Variants in RGSL1 observed in about 807,000 individuals in gnomAD.
The protein encoded by RGSL1 is regulator of G protein signaling protein-like.
RGSL1 carries 97 observed loss-of-function variants against 124.7 expected under a neutral mutation model. That is an observed-to-expected ratio of 0.78 (90% CI 0.66 to 0.92). The LOEUF is 0.92. Among genes scored for constraint, RGSL1 ranks in the 40% least tolerant of loss-of-function variants. The pLI is 0.00. For missense variants in RGSL1, 1,233 were observed against 1,288.4 expected (o/e 0.96, Z 0.66); for synonymous variants, 424 against 438.1 (o/e 0.97, Z 0.40).
intron 3 of RGSL1, 126 bp downstream of exon 3, chr1:182,458,519 C>T: frequency 2.5e-6 from 2 of 789,302 alleles, no homozygotes; most frequent in Non-Finnish European, 4.1e-6. Context: ...ACCCAGGCTG[C>T]AGTGCGGTGA....
intron 10 of RGSL1, 43 bp from the exon 11 acceptor site, chr1:182,527,536 A>G (rs749851143): frequency 2.0e-6 from 3 of 1,479,296 alleles, no homozygotes; most frequent in Middle Eastern, 3.5e-4. Flanking sequence ...ATCCAGAATC[A>G]TCATTCCTTT....
rs1660540925 is a variant in RGSL1 at position 182,551,198 on chromosome 1, TC to T, written c.3033del (p.Ser1012ArgfsTer9). ...CCTAAATCTACGGACAAGTATCCTTTCTCGAGTGGAGGTAAGCTCCACCACG... is the reference window on the plus strand; with the variant it reads ...CCTAAATCTACGGACAAGTATCCTTTTCGAGTGGAGGTAAGCTCCACCACG... Reference protein sequence around the residue: ...SPPKSTDKYPFSSGGDNAILR... With the variant: ...SPPKSTDKYPXSSGGDNAILR... On this transcript the variant is annotated frameshift_variant, in exon 18 of 22. Coordinates refer to ENST00000294854, the MANE Select transcript of RGSL1 (RefSeq NM_001137669.2). LOFTEE classifies it high-confidence loss of function. The T allele has an allele frequency of 6.4e-7, 1 of 1,550,486 alleles. No individual in the cohort carries two copies. The highest frequency in any genetic ancestry group is 8.7e-7 in the Non-Finnish European group (1 of 1,146,188).
Position 182,548,780 on chromosome 1 carries a change from G to A in RGSL1, c.2889G>A (p.Gly963=). 1 of 1,551,598 alleles carries A rather than the reference G, an allele frequency of 6.4e-7. No homozygotes were observed. Among genetic ancestry groups the A allele is most frequent in the Non-Finnish European group, 8.7e-7 (1 of 1,146,970 alleles). ...EGYLDRSVFH[G]AIMSVFPVVM... is the part of the protein sequence containing the mutation. ...ACCTAGATCGGAGCGTCTTCCATGG[G>A]GCTATCATGTCTGTCTTCCCCGTTG... The change falls in exon 17 of 22, where the codon GGG becomes GGA. Residue 963 remains glycine, a synonymous_variant. Coordinates refer to ENST00000294854, the MANE Select transcript of RGSL1 (RefSeq NM_001137669.2).
At chr1:182,478,951 A>C (rs1654492868) in intron 6 of RGSL1, among the ~76,000 whole-genome samples, 1 of 152,198 alleles carries the variant, frequency 6.6e-6, no homozygotes, top group South Asian at 2.1e-4. Context: ...ATGCTGAAGG[A>C]AAGAAAAGGA....
intron 9 of RGSL1, among the ~76,000 whole-genome samples, chr1:182,509,845 G>A (rs1469844190): frequency 7.2e-6 from 1 of 139,010 alleles, no homozygotes; most frequent in Non-Finnish European, 1.6e-5. Flanking sequence ...TCCCGGACGG[G>A]GTGGCTGCCG....
At position 182,553,490 on chromosome 1, in the gene RGSL1, G is replaced by A. The variant is rs369711537; in HGVS notation, c.3079G>A (p.Gly1027Ser). 8 of 1,551,856 alleles carry A rather than the reference G, an allele frequency of 5.2e-6. No homozygotes were observed. Among genetic ancestry groups the A allele is most frequent in the African/African-American group, 4.1e-5 (3 of 73,028 alleles). The change falls in exon 19 of 22, where the codon GGT (glycine) becomes AGT (serine). Residue 1027 changes from glycine to serine, a missense_variant. Gly to Ser is a moderately conservative substitution (Grantham distance 56, BLOSUM62 0). Coordinates refer to ENST00000294854, the MANE Select transcript of RGSL1 (RefSeq NM_001137669.2). ...CATCTTAAGGTTCACCTTGCTCAGAGGTATTGAGTGGTTGCAGCCTCAACG... is the reference window on the plus strand; with the variant it reads ...CATCTTAAGGTTCACCTTGCTCAGAAGTATTGAGTGGTTGCAGCCTCAACG... ...NAILRFTLLRGIEWLQPQREA... is the reference protein window; with the variant it reads ...NAILRFTLLRSIEWLQPQREA...
chr1:182,455,177 C>A (rs1337427562), intron 2 of RGSL1, among the ~76,000 whole-genome samples: 2 of 152,164 alleles, frequency 1.3e-5, no homozygotes, highest in Non-Finnish European at 2.9e-5. Flanking sequence ...ACAGAGAGAT[C>A]ATCCCTACCT....
At chr1:182,455,974 G>A (rs1036034345) in intron 2 of RGSL1, among the ~76,000 whole-genome samples, 5 of 152,244 alleles carry the variant, frequency 3.3e-5, no homozygotes, top group African/African-American at 1.2e-4. Context: ...TGGAGGAAGG[G>A]AAAGCGGTTA....
chr1:182,465,379 C>T (rs555996592), intron 4 of RGSL1, among the ~76,000 whole-genome samples: 10 of 150,050 alleles, frequency 6.7e-5, no homozygotes, highest in Admixed American at 1.3e-4. Context: ...AACCAAACAC[C>T]GCATGTTCTC....
intron 15 of RGSL1, among the ~76,000 whole-genome samples, chr1:182,546,669 G>T (rs1480585583): frequency 6.6e-6 from 1 of 152,180 alleles, no homozygotes; most frequent in Non-Finnish European, 1.5e-5. Flanking sequence ...GGAATTACAG[G>T]TGTGAGCCAC....
chr1:182,549,209 A>G (rs886633586), intron 17 of RGSL1: 1 of 185,826 alleles, frequency 5.4e-6, no homozygotes, highest in African/African-American at 2.4e-5. Flanking sequence ...CTACATGAAG[A>G]AAGTAAGCCA....
In RGSL1 at chr1:182,500,575, T is replaced by G. The variant is rs575889861; in HGVS notation, c.1825+7446T>G. 2.0e-5 allele frequency among the ~76,000 whole-genome samples: 3 copies of G among 152,326 alleles called. No individual in the cohort carries two copies. In the South Asian group the frequency reaches 6.2e-4, roughly 32 times the overall value. ...ATCGGGGTTTGAATTGAGATTGTAC[T>G]GAATCTATAGATCATTTTGGGTAGC... is the stretch of plus-strand genomic sequence containing the variant. On this transcript the variant is annotated intron_variant, in intron 9 of 21. Coordinates refer to ENST00000294854, the MANE Select transcript of RGSL1 (RefSeq NM_001137669.2).
intron 4 of RGSL1, among the ~76,000 whole-genome samples, chr1:182,463,198 G>A (rs767043867): frequency 1.6e-4 from 24 of 151,396 alleles, no homozygotes; most frequent in Non-Finnish European, 2.8e-4. Context: ...GGAAGTTGAG[G>A]CAGGAGAATG....
At chr1:182,487,217 C>T (rs992223051) in intron 6 of RGSL1, among the ~76,000 whole-genome samples, 1 of 152,160 alleles carries the variant, frequency 6.6e-6, no homozygotes, top group Non-Finnish European at 1.5e-5. Context: ...CTAAACTCAC[C>T]TTTTCGCTGC....
intron 4 of RGSL1, among the ~76,000 whole-genome samples, chr1:182,465,110 C>T (rs1214620428): frequency 6.8e-6 from 1 of 146,360 alleles, no homozygotes; most frequent in East Asian, 1.9e-4. Flanking sequence ...AAAGTGGGGA[C>T]ATTACTATCA....
At chr1:182,471,779 T>C (rs1653863729) in intron 4 of RGSL1, among the ~76,000 whole-genome samples, 1 of 152,150 alleles carries the variant, frequency 6.6e-6, no homozygotes, top group Non-Finnish European at 1.5e-5. Context: ...TTCTGTTCTA[T>C]TGGGTCCAGT....
chr1:182,557,504 G>T (rs182181394), intron 21 of RGSL1, among the ~76,000 whole-genome samples: 1 of 152,154 alleles, frequency 6.6e-6, no homozygotes, highest in African/African-American at 2.4e-5. Context: ...ATACTAACTC[G>T]TGGTCACATA....
chr1:182,476,443 T>C (rs1340183014), intron 6 of RGSL1, among the ~76,000 whole-genome samples: 2 of 152,144 alleles, frequency 1.3e-5, no homozygotes, highest in Non-Finnish European at 2.9e-5. Context: ...CCTGTTGGCA[T>C]TACCTTAAGA....
In RGSL1 at chr1:182,530,319, T is replaced by TATGAAATCTATAG. The variant is rs1659074555; in HGVS notation, c.2202_2203insTGAAATCTATAGA (p.Thr735Ter). Reference sequence around the variant, plus strand: ...CGTCATGTCACCACAAGCACACTGTTAACGCTCCAGGGACATGTTATGAAA... The same window carrying TATGAAATCTATAG: ...CGTCATGTCACCACAAGCACACTGTTATGAAATCTATAGAACGCTCCAGGGACATGTTATGAAA... On this transcript the variant is annotated stop_gained and frameshift_variant, in exon 12 of 22. Transcript: ENST00000294854. LOFTEE classifies it high-confidence loss of function. The TATGAAATCTATAG allele has an allele frequency of 6.4e-7, 1 of 1,550,996 alleles. No individual in the cohort carries two copies. The highest frequency in any genetic ancestry group is 8.7e-7 in the Non-Finnish European group (1 of 1,146,560).
Sources: gnomAD v4.1 joint callset for allele counts (sites outside exome capture counted in the v4.1 genomes callset) on GRCh38, gnomAD v4.1.1 for gene constraint, MANE v1.5 for transcripts, NCBI Gene and HGNC (gene_info 2026-07-23, HGNC 2026-07-21) for gene names.